Variants in KLHL31 observed in about 807,000 individuals in gnomAD.
The protein encoded by KLHL31 is kelch-like protein 31.
A neutral mutation model predicts 47.1 loss-of-function variants in KLHL31; 32 were observed. The ratio of observed to expected loss-of-function variants is 0.68; its 90% CI spans 0.51 to 0.91. KLHL31 has a LOEUF of 0.91. Ranked by LOEUF, KLHL31 falls within the 40% of genes least tolerant of loss-of-function variation. The probability of loss-of-function intolerance (pLI) is 0.00; values close to 1 mark genes in which losing one functional copy is unlikely to be tolerated. For missense variants in KLHL31, 797 were observed against 819.3 expected (o/e 0.97, Z 0.33); for synonymous variants, 330 against 325.1 (o/e 1.01, Z -0.16).
At chr6:53,653,514 A>G (rs1547659) in intron 2 of KLHL31, among the ~76,000 whole-genome samples, 25,650 of 152,036 alleles carry the variant, frequency 0.17, 2,406 homozygotes, top group African/African-American at 0.26. Flanking sequence ...TTTCTGAAGG[A>G]TGTGTTTTAC....
rs1414328560 is a variant in KLHL31 at position 53,649,792 on chromosome 6, A to G, written c.*1806T>C. ...TTCTCAGTTGTATGAGTGTGTGCGT[A>G]TACACACATATACATACACCAAGGT... On this transcript the variant is annotated 3_prime_UTR_variant, in exon 3 of 3. Coordinates refer to ENST00000370905, the MANE Select transcript of KLHL31 (RefSeq NM_001003760.5). The G allele has an allele frequency of 6.6e-6, 1 of 152,216 alleles. No individual in the cohort carries two copies. The highest frequency in any genetic ancestry group is 2.4e-5 in the African/African-American group (1 of 41,460). The allele number at this position is 152,216 out of a possible 1,614,324, so 9.4% of individuals were successfully genotyped here. A position where few individuals can be genotyped will look rare whatever the true frequency, so the allele number is the denominator to read the frequency against.
intron 1 of KLHL31, among the ~76,000 whole-genome samples, chr6:53,665,075 C>T (rs1018668371): frequency 1.3e-5 from 2 of 150,650 alleles, no homozygotes; most frequent in Non-Finnish European, 3.0e-5. Flanking sequence ...AGGATATTTC[C>T]ATTTCATCAA....
intron 1 of KLHL31, among the ~76,000 whole-genome samples, chr6:53,657,955 T>C (rs146278554): frequency 3.9e-5 from 6 of 152,316 alleles, no homozygotes; most frequent in African/African-American, 1.4e-4. Flanking sequence ...TTGCAAACAA[T>C]GCAAAATGCA....
Position 53,650,970 on chromosome 6 carries a change from C to T in KLHL31, c.*628G>A, listed in dbSNP as rs1489402873. The T allele has an allele frequency of 1.3e-5, 2 of 152,058 alleles. No homozygotes were observed. The highest frequency in any genetic ancestry group is 2.9e-5 in the Non-Finnish European group (2 of 68,022). The allele number at this position is 152,058 out of a possible 1,614,324, so 9.4% of individuals were successfully genotyped here. The stretch of plus-strand genomic sequence containing the variant: ...ACACAAAGGTTATCAAATTTAGGGT[C>T]CCTGGGTGGAATCCCTATTCCTTTT... On this transcript the variant is annotated 3_prime_UTR_variant, in exon 3 of 3. Transcript: ENST00000370905.
At position 53,651,517 on chromosome 6, in the gene KLHL31, CT is replaced by C. The variant is rs1764464143; in HGVS notation, c.*80del. The C allele has an allele frequency of 2.2e-5, 32 of 1,435,730 alleles. No individual in the cohort carries two copies. Among genetic ancestry groups the C allele is most frequent in the Non-Finnish European group, 3.0e-5 (32 of 1,074,362 alleles). 88.9% of individuals were successfully genotyped at this position (1,435,730 alleles called of 1,614,324 possible). ...AGTGTAGTAAATGTTAAATATTTTCCTTTTCGCGAACTCAGAGGTTAACCAC... is the reference window on the plus strand; with the variant it reads ...AGTGTAGTAAATGTTAAATATTTTCCTTTCGCGAACTCAGAGGTTAACCAC... On this transcript the variant is annotated 3_prime_UTR_variant, in exon 3 of 3. Transcript: ENST00000370905.
At position 53,648,895 on chromosome 6, in the gene KLHL31, G is replaced by C. The variant is rs181618414; in HGVS notation, c.*2703C>G. The stretch of plus-strand genomic sequence containing the variant: ...TTGAATTTTATTATTTCAGTTGCTG[G>C]GTAACATGCAATTTCCCTGATATAT... On this transcript the variant is annotated 3_prime_UTR_variant, in exon 3 of 3. Coordinates refer to ENST00000370905, the MANE Select transcript of KLHL31 (RefSeq NM_001003760.5). The C allele has an allele frequency of 6.6e-6, 1 of 151,994 alleles. No individual in the cohort carries two copies. Among genetic ancestry groups the C allele is most frequent in the Non-Finnish European group, 1.5e-5 (1 of 67,972 alleles). The allele number at this position is 151,994 out of a possible 1,614,324, so 9.4% of individuals were successfully genotyped here.
intron 1 of KLHL31, among the ~76,000 whole-genome samples, chr6:53,662,662 G>A (rs1483364617): frequency 6.6e-6 from 1 of 152,124 alleles, no homozygotes. Context: ...ATTAGAAACT[G>A]GGCAGAAGGG....
At chr6:53,653,422 T>C (rs991833844) in intron 2 of KLHL31, among the ~76,000 whole-genome samples, 1 of 152,236 alleles carries the variant, frequency 6.6e-6, no homozygotes, top group African/African-American at 2.4e-5. Context: ...GATATAAGCA[T>C]GATTTTCTGA....
Position 53,652,158 on chromosome 6 carries a change from T to C in KLHL31, c.1345A>G (p.Lys449Glu). Residue 449 changes from lysine to glutamate, a missense_variant, in exon 3 of 3, where the codon AAG becomes GAG. Physicochemically the swap from Lys to Glu is moderately conservative, Grantham distance 56 (BLOSUM62 1). Coordinates refer to ENST00000370905, the MANE Select transcript of KLHL31 (RefSeq NM_001003760.5). The part of the protein sequence containing the change: ...YVPSTNQWQP[K>E]TPLEVARCCH... ...CAGCGCGCCACCTCCAGGGGCGTCT[T>C]CGGCTGCCACTGATTGGTGGAGGGC... is the stretch of plus-strand genomic sequence containing the variant. The C allele has an allele frequency of 6.2e-7, 1 of 1,606,400 alleles. No individual in the cohort carries two copies. The highest frequency in any genetic ancestry group is 1.7e-4 in the Middle Eastern group (1 of 6,040).
intron 1 of KLHL31, among the ~76,000 whole-genome samples, chr6:53,661,519 C>T (rs978011751): frequency 6.6e-6 from 1 of 152,054 alleles, no homozygotes; most frequent in Non-Finnish European, 1.5e-5. Context: ...AAAAGGCCAG[C>T]AAAGTAATAT....
intron 1 of KLHL31, among the ~76,000 whole-genome samples, chr6:53,665,045 A>ATTT (rs764011866): frequency 9.8e-4 from 127 of 129,150 alleles, no homozygotes; most frequent in African/African-American, 3.3e-3. Context: ...CAAATAACAA[A>ATTT]TTTTTTTTTT....
rs554011580 is a variant in KLHL31, at chr6:53,653,837, A to G, written c.1172+264T>C. Among the ~76,000 whole-genome samples the G allele has an allele frequency of 2.6e-5, 4 of 152,224 alleles. No individual in the cohort carries two copies. The South Asian group carries it at 8.3e-4, about 32-fold the overall frequency. ...TACTGGTGTTATAACTTCTCTAGGT[A>G]TCAGGTTTCTCATATGTAAAATCAG... On this transcript the variant is annotated intron_variant, in intron 2 of 2. Transcript: ENST00000370905.
chr6:53,658,762 T>C (rs1341315697), intron 1 of KLHL31, among the ~76,000 whole-genome samples: 2 of 152,218 alleles, frequency 1.3e-5, no homozygotes, highest in Non-Finnish European at 2.9e-5. Flanking sequence ...TAATTTTCAA[T>C]ACTTGAAAAT....
chr6:53,663,377 G>C (rs906953022), intron 1 of KLHL31, among the ~76,000 whole-genome samples: 6 of 152,084 alleles, frequency 3.9e-5, no homozygotes, highest in African/African-American at 1.4e-4. Flanking sequence ...AATTTGTTTG[G>C]GGACACATCG....
chr6:53,657,749 A>G (rs187341619), intron 1 of KLHL31, among the ~76,000 whole-genome samples: 1 of 151,762 alleles, frequency 6.6e-6, no homozygotes, highest in Non-Finnish European at 1.5e-5. Flanking sequence ...TATGTGTTAA[A>G]GTAATTTTGT....
intron 1 of KLHL31, among the ~76,000 whole-genome samples, chr6:53,655,685 C>A (rs1166201147): frequency 1.3e-5 from 2 of 150,750 alleles, no homozygotes; most frequent in Non-Finnish European, 2.9e-5. Context: ...CAGCTCACTG[C>A]AACCTCTGCC....
At chr6:53,653,316 A>G (rs1235132743) in intron 2 of KLHL31, among the ~76,000 whole-genome samples, 1 of 152,236 alleles carries the variant, frequency 6.6e-6, no homozygotes, top group Non-Finnish European at 1.5e-5. Flanking sequence ...AAATGCATAC[A>G]CACATAATGG....
intron 1 of KLHL31, among the ~76,000 whole-genome samples, chr6:53,656,957 G>A (rs1162240582): frequency 1.8e-5 from 1 of 56,188 alleles, no homozygotes; most frequent in African/African-American, 5.4e-5. Flanking sequence ...TTTTGAGATC[G>A]GGTCTCATTC....
chr6:53,653,060 A>G (rs548201477), intron 2 of KLHL31, among the ~76,000 whole-genome samples: 20 of 152,328 alleles, frequency 1.3e-4, no homozygotes, highest in African/African-American at 4.6e-4. Context: ...AGTGCTCGGA[A>G]CTATCCATGT....
Sources: gnomAD v4.1 joint callset for allele counts (sites outside exome capture counted in the v4.1 genomes callset) on GRCh38, gnomAD v4.1.1 for gene constraint, MANE v1.5 for transcripts, NCBI Gene and HGNC (gene_info 2026-07-23, HGNC 2026-07-21) for gene names.